Variants in MAD2L1 observed in about 807,000 individuals in gnomAD.
MAD2L1 encodes mitotic arrest deficient 2 like 1.
MAD2L1 carries 10 observed loss-of-function variants against 25.9 expected under a neutral mutation model. That is an observed-to-expected ratio of 0.39 (90% CI 0.24 to 0.66). The LOEUF is 0.66. MAD2L1 is among the 30% of genes least tolerant of loss of function. MAD2L1 has a pLI of 0.49. For synonymous variants in MAD2L1, 81 were observed against 91.8 expected, an observed-to-expected ratio of 0.88 and a Z score of 0.67; for missense variants, 180 against 246.4, an observed-to-expected ratio of 0.73 and a Z score of 1.80.
chr4:120,065,125 G>T (rs1381067417), intron 2 of MAD2L1, among the ~76,000 whole-genome samples: 1 of 152,170 alleles, frequency 6.6e-6, no homozygotes, highest in East Asian at 1.9e-4. Context: ...TGAATCACTG[G>T]CAGAATTTTT....
At position 120,056,091 on chromosome 4, in the gene MAD2L1, A is replaced by G. The variant is rs1726104189; in HGVS notation, c.*4027T>C. ...TATGCTTGTTGGGGAGTCAGGATGA[A>G]CTTCCTTGGCTAGGGATAGAAGGAA... On this transcript the variant is annotated 3_prime_UTR_variant, in exon 5 of 5. Coordinates refer to ENST00000296509, the MANE Select transcript of MAD2L1 (RefSeq NM_002358.4). 2.0e-5 allele frequency: 3 copies of G among 152,174 alleles called. No individual in the cohort carries two copies. The South Asian group carries it at 6.2e-4, about 32-fold the overall frequency. The allele number at this position is 152,174 out of a possible 1,614,324, so 9.4% of individuals were successfully genotyped here.
chr4:120,066,839 A>G lies in MAD2L1; in HGVS notation c.-105T>C, dbSNP rs1036784146. The G allele has an allele frequency of 1.2e-6, 1 of 812,528 alleles. No homozygotes were observed. Among genetic ancestry groups the G allele is most frequent in the Non-Finnish European group, 2.0e-6 (1 of 494,914 alleles). The allele number at this position is 812,528 out of a possible 1,614,324, so 50.3% of individuals were successfully genotyped here. ...AGCGTTTCAAAAGTAACGACGCAGC[A>G]CGTCGTCAGGTCCTTTGCGCAGGCG... On this transcript the variant is annotated 5_prime_UTR_variant, in exon 1 of 5. Transcript: ENST00000296509.
intron 2 of MAD2L1, among the ~76,000 whole-genome samples, chr4:120,063,899 A>G (rs113126113): frequency 3.5e-3 from 537 of 152,082 alleles, no homozygotes; most frequent in Middle Eastern, 6.8e-3. Flanking sequence ...AATCTCAGCT[A>G]CTCGGGAGGC....
At chr4:120,060,551 C>G (rs1248743633) in intron 4 of MAD2L1, among the ~76,000 whole-genome samples, 1 of 152,052 alleles carries the variant, frequency 6.6e-6, no homozygotes, top group Non-Finnish European at 1.5e-5. Flanking sequence ...AATAGTGATG[C>G]CAGCATATTG....
Position 120,058,274 on chromosome 4 carries a change from G to T in MAD2L1, c.*1844C>A, listed in dbSNP as rs1164232953. On this transcript the variant is annotated 3_prime_UTR_variant, in exon 5 of 5. Coordinates refer to ENST00000296509, the MANE Select transcript of MAD2L1 (RefSeq NM_002358.4). ...GCATGCAAATGATACAAAAATCTAAGAATTTAATCCTGTTAATATTGGTAG... is the reference window on the plus strand; with the variant it reads ...GCATGCAAATGATACAAAAATCTAATAATTTAATCCTGTTAATATTGGTAG... 6.6e-6 allele frequency: 1 copy of T among 152,116 alleles called. No individual in the cohort carries two copies. Among genetic ancestry groups the T allele is most frequent in the Non-Finnish European group, 1.5e-5 (1 of 68,028 alleles). 9.4% of individuals were successfully genotyped at this position (152,116 alleles called of 1,614,324 possible).
Position 120,056,141 on chromosome 4 carries a change from A to G in MAD2L1, c.*3977T>C, listed in dbSNP as rs1409330747. ...AGAGATCACCTAAACTTCAAAAACC[A>G]CAATACAATTTGCATACTTCCTTGG... is the stretch of plus-strand genomic sequence containing the variant. On this transcript the variant is annotated 3_prime_UTR_variant, in exon 5 of 5. Coordinates refer to ENST00000296509, the MANE Select transcript of MAD2L1 (RefSeq NM_002358.4). The G allele has an allele frequency of 6.6e-6, 1 of 152,216 alleles. No homozygotes were observed. Among genetic ancestry groups the G allele is most frequent in the African/African-American group, 2.4e-5 (1 of 41,454 alleles). 9.4% of individuals were successfully genotyped at this position (152,216 alleles called of 1,614,324 possible).
chr4:120,056,819 A>G lies in MAD2L1; in HGVS notation c.*3299T>C, dbSNP rs1726118539. 1 of 152,202 alleles carries G rather than the reference A, an allele frequency of 6.6e-6. No individual in the cohort carries two copies. The highest frequency in any genetic ancestry group is 2.1e-4 in the South Asian group (1 of 4,834). The allele number at this position is 152,202 out of a possible 1,614,324, so 9.4% of individuals were successfully genotyped here. A position where few individuals can be genotyped will look rare whatever the true frequency, so the allele number is the denominator to read the frequency against. On this transcript the variant is annotated 3_prime_UTR_variant, in exon 5 of 5. Transcript: ENST00000296509. Reference sequence around the variant, plus strand: ...ACCTCCCTTAACAAGTTTTCAGATCAAATTGTGAACTGTGGGGTGTGTTAG... The same window carrying G: ...ACCTCCCTTAACAAGTTTTCAGATCGAATTGTGAACTGTGGGGTGTGTTAG...
At position 120,062,363 on chromosome 4, in the gene MAD2L1, G is replaced by A. The variant is rs532077119; in HGVS notation, c.221-268C>T. 3.3e-5 allele frequency among the ~76,000 whole-genome samples: 5 copies of A among 152,180 alleles called. No homozygotes were observed. The East Asian group carries it at 9.6e-4, about 29-fold the overall frequency. On this transcript the variant is annotated intron_variant, in intron 2 of 4. Coordinates refer to ENST00000296509, the MANE Select transcript of MAD2L1 (RefSeq NM_002358.4). ...ATCCAACATAAAAGCATAGGAGATG[G>A]GCATTAATCTACTCATCACACCAAT...
chr4:120,060,669 T>C (rs777953623), intron 4 of MAD2L1, among the ~76,000 whole-genome samples: 1 of 152,190 alleles, frequency 6.6e-6, no homozygotes, highest in Non-Finnish European at 1.5e-5. Context: ...GGGTTCATAC[T>C]ATCCATGGTT....
Position 120,059,978 on chromosome 4 carries a change from C to T in MAD2L1, c.*140G>A. On this transcript the variant is annotated 3_prime_UTR_variant, in exon 5 of 5. Transcript: ENST00000296509. Reference sequence around the variant, plus strand: ...ACCAAAAAAATAAAAGGAACAATTACACACAGTTCAGTAAGTATCATTTTG... The same window carrying T: ...ACCAAAAAAATAAAAGGAACAATTATACACAGTTCAGTAAGTATCATTTTG... 6.3e-6 allele frequency: 4 copies of T among 636,158 alleles called. No individual in the cohort carries two copies. The highest frequency in any genetic ancestry group is 2.7e-5 in the East Asian group (1 of 36,658). The allele number at this position is 636,158 out of a possible 1,614,324, so 39.4% of individuals were successfully genotyped here.
chr4:120,059,999 T>A lies in MAD2L1; in HGVS notation c.*119A>T, dbSNP rs922898235. On this transcript the variant is annotated 3_prime_UTR_variant, in exon 5 of 5. Transcript: ENST00000296509. ...ATTACACACAGTTCAGTAAGTATCA[T>A]TTTGGTTTTCTCCATGTAAAAATTA... 9.8e-6 allele frequency: 8 copies of A among 819,980 alleles called. No homozygotes were observed. The African/African-American group carries it at 1.4e-4, about 14-fold the overall frequency. 50.8% of individuals were successfully genotyped at this position (819,980 alleles called of 1,614,324 possible).
intron 2 of MAD2L1, among the ~76,000 whole-genome samples, chr4:120,063,531 CA>C (rs2110508955): frequency 6.6e-6 from 1 of 152,254 alleles, no homozygotes; most frequent in South Asian, 2.1e-4. Context: ...TGGCATTTAT[CA>C]ACAACTTTTT....
Position 120,064,163 on chromosome 4 carries a change from C to T in MAD2L1, c.220+1509G>A, listed in dbSNP as rs575259260. On this transcript the variant is annotated intron_variant, in intron 2 of 4. Transcript: ENST00000296509. Reference sequence around the variant, plus strand: ...TTGGCTTAGGCAATGCTTGCTTCTCCAGCAAATTAAGATAAAAACACACAT... The same window carrying T: ...TTGGCTTAGGCAATGCTTGCTTCTCTAGCAAATTAAGATAAAAACACACAT... Among the ~76,000 whole-genome samples, 51 of 152,304 alleles carry T rather than the reference C, an allele frequency of 3.3e-4. 1 individual carries two copies. Among genetic ancestry groups the T allele is most frequent in the Non-Finnish European group, 1.5e-4 (10 of 68,020 alleles).
At chr4:120,066,619 C>G in intron 1 of MAD2L1, 43 bp downstream of exon 1, 3 of 1,562,128 alleles carry the variant, frequency 1.9e-6, no homozygotes, top group Non-Finnish European at 1.8e-6. Context: ...TGAGCCGTCA[C>G]GACTCCGTTC....
intron 3 of MAD2L1, 151 bp from the exon 4 acceptor site, chr4:120,061,128 A>C: frequency 1.8e-6 from 1 of 554,668 alleles, no homozygotes; most frequent in South Asian, 2.3e-5. Context: ...AATGTGAGTG[A>C]AAGTATCCTT....
At position 120,057,498 on chromosome 4, in the gene MAD2L1, T is replaced by C. The variant is rs1053024793; in HGVS notation, c.*2620A>G. On this transcript the variant is annotated 3_prime_UTR_variant, in exon 5 of 5. Transcript: ENST00000296509. Reference sequence around the variant, plus strand: ...ACAGAGGTTTGACTTCTCTGATTGATGACACTGGGAAAAGGATCCTGAAAG... The same window carrying C: ...ACAGAGGTTTGACTTCTCTGATTGACGACACTGGGAAAAGGATCCTGAAAG... 7.2e-5 allele frequency: 11 copies of C among 152,336 alleles called. No individual in the cohort carries two copies. Among genetic ancestry groups the C allele is most frequent in the African/African-American group, 2.7e-4 (11 of 41,454 alleles). 9.4% of individuals were successfully genotyped at this position (152,336 alleles called of 1,614,324 possible). A position where few individuals can be genotyped will look rare whatever the true frequency, so the allele number is the denominator to read the frequency against.
At position 120,056,404 on chromosome 4, in the gene MAD2L1, AG is replaced by A. The variant is rs1726111096; in HGVS notation, c.*3713del. The A allele has an allele frequency of 6.6e-6, 1 of 152,186 alleles. No homozygotes were observed. The highest frequency in any genetic ancestry group is 2.1e-4 in the South Asian group (1 of 4,812). The allele number at this position is 152,186 out of a possible 1,614,324, so 9.4% of individuals were successfully genotyped here. ...TAAGCTTACAGCCTTTAGAACCAAA[AG>A]AAAGTCATCTTAATTTGAATATTAC... On this transcript the variant is annotated 3_prime_UTR_variant, in exon 5 of 5. Coordinates refer to ENST00000296509, the MANE Select transcript of MAD2L1 (RefSeq NM_002358.4).
intron 2 of MAD2L1, 98 bp downstream of exon 2, chr4:120,065,574 T>G: frequency 1.6e-5 from 16 of 978,418 alleles, no homozygotes; most frequent in Non-Finnish European, 2.3e-5. Flanking sequence ...AAAATATATT[T>G]GAGATGTCAG....
Position 120,058,771 on chromosome 4 carries a change from T to A in MAD2L1, c.*1347A>T, listed in dbSNP as rs1726154221. The A allele has an allele frequency of 1.3e-5, 2 of 152,034 alleles. No individual in the cohort carries two copies. Among genetic ancestry groups the A allele is most frequent in the Admixed American group, 1.3e-4 (2 of 15,268 alleles). 9.4% of individuals were successfully genotyped at this position (152,034 alleles called of 1,614,324 possible). ...ACTTATTCCATAAAGATATGAAGAGTCTACAAATTTGTCACTGAGAACCCA... is the reference window on the plus strand; with the variant it reads ...ACTTATTCCATAAAGATATGAAGAGACTACAAATTTGTCACTGAGAACCCA... On this transcript the variant is annotated 3_prime_UTR_variant, in exon 5 of 5. Coordinates refer to ENST00000296509, the MANE Select transcript of MAD2L1 (RefSeq NM_002358.4).
Sources: allele counts gnomAD v4.1 joint callset (sites outside exome capture counted in the v4.1 genomes callset), GRCh38; gene constraint gnomAD v4.1.1; transcripts MANE v1.5; gene names NCBI Gene and HGNC (gene_info 2026-07-23, HGNC 2026-07-21).